Variants in ERBB4 observed in about 807,000 individuals in gnomAD.
The protein encoded by ERBB4 is erb-b2 receptor tyrosine kinase 4.
In ERBB4, 42 loss-of-function variants were observed where a neutral mutation model predicts 158.0. That is an observed-to-expected ratio of 0.27 (90% CI 0.21 to 0.34). ERBB4 has a LOEUF of 0.34. Ranked by LOEUF, ERBB4 falls within the 10% of genes least tolerant of loss-of-function variation. ERBB4 has a pLI of 1.00. For synonymous variants in ERBB4, 583 were observed against 558.7 expected (o/e 1.04, Z -0.61); for missense variants, 1,333 against 1,624.1 (o/e 0.82, Z 3.08).
intron 20 of ERBB4, among the ~76,000 whole-genome samples, chr2:211,491,630 A>G (rs189019788): frequency 2.2e-4 from 33 of 152,220 alleles, no homozygotes; most frequent in African/African-American, 6.7e-4. Flanking sequence ...TGTTATAAAT[A>G]ATAAATTATA....
Position 211,481,709 on chromosome 2 carries a change from C to T in ERBB4, c.2488-50609G>A, listed in dbSNP as rs145758087. On this transcript the variant is annotated intron_variant, in intron 20 of 27. Coordinates refer to ENST00000342788, the MANE Select transcript of ERBB4 (RefSeq NM_005235.3). ...ACATAGTGCCTATAGCACAATAGGACGATATATCTAGGATACTTTGTTGGA... is the reference window on the plus strand; with the variant it reads ...ACATAGTGCCTATAGCACAATAGGATGATATATCTAGGATACTTTGTTGGA... Among the ~76,000 whole-genome samples, 377 of 151,900 alleles carry T rather than the reference C, an allele frequency of 2.5e-3. 1 individual carries two copies. The highest frequency in any genetic ancestry group is 3.3e-3 in the Non-Finnish European group (225 of 67,964).
chr2:211,817,782 C>T (rs78524343), intron 3 of ERBB4, among the ~76,000 whole-genome samples: 6,620 of 152,242 alleles, frequency 0.043, 247 homozygotes, highest in Non-Finnish European at 0.065. Context: ...TTTCCCATTT[C>T]CTGTTCCTCA....
intron 1 of ERBB4, among the ~76,000 whole-genome samples, chr2:212,438,837 A>G (rs1179770229): frequency 2.0e-5 from 3 of 152,262 alleles, no homozygotes; most frequent in African/African-American, 4.8e-5. Context: ...GAGCCATTAC[A>G]TCTTTTAAAA....
intron 20 of ERBB4, among the ~76,000 whole-genome samples, chr2:211,503,247 A>G (rs2065660586): frequency 6.6e-6 from 1 of 151,916 alleles, no homozygotes; most frequent in Non-Finnish European, 1.5e-5. Context: ...GCAAAACATG[A>G]CTCTGGGCAC....
rs1043247937 is a variant in ERBB4 at position 212,538,310 on chromosome 2, A to G, written c.82+139T>C. 1.6e-5 allele frequency: 12 copies of G among 767,148 alleles called. No homozygotes were observed. The Admixed American group carries it at 2.2e-4, about 14-fold the overall frequency. The allele number at this position is 767,148 out of a possible 1,614,324, so 47.5% of individuals were successfully genotyped here. ...TAAGTTTCAAATGGAAAGAGGGGTG[A>G]CCGAAAGCCCAGGGAAGAGGCCCCG... is the stretch of plus-strand genomic sequence containing the variant. On this transcript the variant is annotated intron_variant, in intron 1 of 27. Coordinates refer to ENST00000342788, the MANE Select transcript of ERBB4 (RefSeq NM_005235.3).
chr2:211,708,962 T>C (rs974194577), intron 9 of ERBB4, among the ~76,000 whole-genome samples: 3 of 152,062 alleles, frequency 2.0e-5, no homozygotes, highest in Non-Finnish European at 4.4e-5. Flanking sequence ...TAAGTTTATG[T>C]TTAAGACAAA....
rs563463152 is a variant in ERBB4 at position 211,494,280 on chromosome 2, G to T, written c.2488-63180C>A. On this transcript the variant is annotated intron_variant, in intron 20 of 27. Transcript: ENST00000342788. ...GGCCTCCGAAAGTGCTGAGATTATA[G>T]GCGTGAGCCACCGCACCCCGCCGGA... 9.2e-5 allele frequency among the ~76,000 whole-genome samples: 14 copies of T among 152,182 alleles called. No homozygotes were observed. In the South Asian group the frequency reaches 2.9e-3, roughly 32 times the overall value.
intron 19 of ERBB4, among the ~76,000 whole-genome samples, chr2:211,601,399 G>A (rs1249732481): frequency 2.6e-5 from 4 of 151,924 alleles, no homozygotes; most frequent in Admixed American, 6.6e-5. Flanking sequence ...GATTGGGGGT[G>A]GGGACGGGAA....
At chr2:211,780,594 G>C (rs1440530778) in intron 4 of ERBB4, among the ~76,000 whole-genome samples, 1 of 152,142 alleles carries the variant, frequency 6.6e-6, no homozygotes, top group Non-Finnish European at 1.5e-5. Flanking sequence ...GGCCTTCTAT[G>C]GTGTGGGTCA....
chr2:212,458,229 T>C (rs938864029), intron 1 of ERBB4, among the ~76,000 whole-genome samples: 3 of 152,070 alleles, frequency 2.0e-5, no homozygotes, highest in South Asian at 4.1e-4. Flanking sequence ...AACTGTAATA[T>C]CTTTTGAAAG....
At chr2:211,745,129 T>C (rs1273174884) in intron 5 of ERBB4, among the ~76,000 whole-genome samples, 1 of 152,168 alleles carries the variant, frequency 6.6e-6, no homozygotes, top group Non-Finnish European at 1.5e-5. Context: ...GAGTAAATAT[T>C]ATGTTTTAAA....
chr2:211,610,371 A>G (rs2069148598), intron 19 of ERBB4, among the ~76,000 whole-genome samples: 1 of 152,190 alleles, frequency 6.6e-6, no homozygotes, highest in African/African-American at 2.4e-5. Context: ...CTGCAGGAAC[A>G]GTATTTTGTA....
chr2:211,556,833 A>G (rs563976156), intron 20 of ERBB4, among the ~76,000 whole-genome samples: 8 of 152,300 alleles, frequency 5.3e-5, no homozygotes, highest in South Asian at 2.1e-4. Context: ...ACAAGGCTGG[A>G]GGCACCATGT....
intron 1 of ERBB4, among the ~76,000 whole-genome samples, chr2:212,229,305 A>G (rs1382868644): frequency 6.6e-6 from 1 of 152,220 alleles, no homozygotes; most frequent in African/African-American, 2.4e-5. Context: ...CAAATAAAAA[A>G]CAAAAAGATG....
intron 20 of ERBB4, among the ~76,000 whole-genome samples, chr2:211,476,573 A>G (rs1364747246): frequency 6.7e-6 from 1 of 148,372 alleles, no homozygotes; most frequent in Non-Finnish European, 1.5e-5. Context: ...AAATGAAGAA[A>G]AAAAAAAAAG....
chr2:211,406,675 T>C (rs2063154877), intron 25 of ERBB4, among the ~76,000 whole-genome samples: 1 of 152,158 alleles, frequency 6.6e-6, no homozygotes, highest in Admixed American at 6.6e-5. Flanking sequence ...GGTTTTGTCA[T>C]TGAATAGCTG....
intron 1 of ERBB4, among the ~76,000 whole-genome samples, chr2:212,164,057 C>T (rs147890890): frequency 1.2e-3 from 189 of 152,180 alleles, no homozygotes; most frequent in African/African-American, 4.4e-3. Context: ...CTGTATCAGA[C>T]TCCCAAAGTG....
chr2:211,666,750 G>A (rs1338033950), intron 14 of ERBB4, among the ~76,000 whole-genome samples: 1 of 152,032 alleles, frequency 6.6e-6, no homozygotes. Context: ...CTCCCCTTTG[G>A]AACTTCTTCC....
intron 1 of ERBB4, among the ~76,000 whole-genome samples, chr2:212,309,735 T>C (rs1324760404): frequency 6.9e-6 from 1 of 144,276 alleles, no homozygotes; most frequent in Non-Finnish European, 1.6e-5. Context: ...TGGTTTTCAA[T>C]GCCATGGTAA....
Sources: gnomAD v4.1 joint callset for allele counts (sites outside exome capture counted in the v4.1 genomes callset) on GRCh38, gnomAD v4.1.1 for gene constraint, MANE v1.5 for transcripts, NCBI Gene and HGNC (gene_info 2026-07-23, HGNC 2026-07-21) for gene names.